MBP: variants seen among roughly 807,000 people sequenced by gnomAD.
MBP encodes the protein Golli-MBP.
A neutral mutation model predicts 35.8 loss-of-function variants in MBP; 16 were observed. The observed-to-expected ratio is 0.45, with a 90% CI of 0.30 to 0.68. MBP has a LOEUF of 0.68. Ranked by LOEUF, MBP falls within the 30% of genes least tolerant of loss-of-function variation. The pLI, the probability that MBP is intolerant of heterozygous loss-of-function variation, is 0.08. For missense variants in MBP, 380 were observed against 404.7 expected (o/e 0.94, Z 0.52); for synonymous variants, 143 against 159.6 (o/e 0.90, Z 0.78).
At position 76,999,272 on chromosome 18, in the gene MBP, G is replaced by A. The variant is rs138361112; in HGVS notation, c.577-9212C>T. Among the ~76,000 whole-genome samples, 5 of 152,234 alleles carry A rather than the reference G, an allele frequency of 3.3e-5. No homozygotes were observed. The East Asian group carries it at 9.7e-4, about 30-fold the overall frequency. ...GCTGAAGCGGGTGGCGCACCCTCAA[G>A]CCTTCCCGGAGGAGACCGCTGAGGG... is the stretch of plus-strand genomic sequence containing the variant. On this transcript the variant is annotated intron_variant, in intron 4 of 8. Transcript: ENST00000355994.
At chr18:77,029,094 T>A (rs201264249) in intron 3 of MBP, among the ~76,000 whole-genome samples, 8,064 of 77,566 alleles carry the variant, frequency 0.1, 1,039 homozygotes, top group African/African-American at 0.14. Context: ...AGCCGAGATC[T>A]CGCCACTGCA....
At position 76,996,485 on chromosome 18, in the gene MBP, G is replaced by C. The variant is rs188178707; in HGVS notation, c.577-6425C>G. On this transcript the variant is annotated intron_variant, in intron 4 of 8. Transcript: ENST00000355994. ...CTTCAAACAACCTGAATGCTCTTGAGGGGCTGAAGGGATAAACACACTGTG... is the reference window on the plus strand; with the variant it reads ...CTTCAAACAACCTGAATGCTCTTGACGGGCTGAAGGGATAAACACACTGTG... 3.7e-3 allele frequency among the ~76,000 whole-genome samples: 558 copies of C among 152,316 alleles called. 1 individual carries two copies. Among genetic ancestry groups the C allele is most frequent in the Middle Eastern group, 0.01 (3 of 294 alleles).
intron 2 of MBP, among the ~76,000 whole-genome samples, chr18:77,076,232 T>A (rs992999490): frequency 3.3e-5 from 5 of 152,232 alleles, no homozygotes; most frequent in Non-Finnish European, 7.3e-5. Context: ...CTGGTGGTCC[T>A]GCTAACACAG....
chr18:77,104,026 G>A (rs1976155329), intron 2 of MBP, among the ~76,000 whole-genome samples: 2 of 152,262 alleles, frequency 1.3e-5, no homozygotes, highest in Admixed American at 6.5e-5. Flanking sequence ...TTTTCCAAAT[G>A]TTCCCTGACA....
chr18:77,110,711 G>C (rs1168326768), intron 1 of MBP, among the ~76,000 whole-genome samples: 1 of 152,114 alleles, frequency 6.6e-6, no homozygotes, highest in Non-Finnish European at 1.5e-5. Flanking sequence ...TTTGTTCTAA[G>C]ACCACTTCCC....
At chr18:77,091,642 C>T (rs1054755235) in intron 2 of MBP, among the ~76,000 whole-genome samples, 1 of 151,464 alleles carries the variant, frequency 6.6e-6, no homozygotes, top group Non-Finnish European at 1.5e-5. Context: ...CAGGTATACA[C>T]ACCACAAACA....
intron 3 of MBP, among the ~76,000 whole-genome samples, chr18:77,054,336 A>AC (rs1973636469): frequency 6.6e-6 from 1 of 152,170 alleles, no homozygotes; most frequent in Non-Finnish European, 1.5e-5. Context: ...CGAAGAGCTC[A>AC]CCCCCGGATA....
chr18:77,033,037 A>G (rs470664), intron 3 of MBP, among the ~76,000 whole-genome samples: 19,679 of 152,110 alleles, frequency 0.13, 2,858 homozygotes, highest in African/African-American at 0.35. Flanking sequence ...GCATGATCTC[A>G]GCTCACTGTA....
At chr18:77,083,241 A>G (rs977193184) in intron 2 of MBP, among the ~76,000 whole-genome samples, 1 of 152,208 alleles carries the variant, frequency 6.6e-6, no homozygotes. Flanking sequence ...TGCTGGGCTT[A>G]CAGACGTGAG....
intron 4 of MBP, among the ~76,000 whole-genome samples, chr18:77,000,895 A>G (rs1457481046): frequency 6.6e-6 from 1 of 152,210 alleles, no homozygotes. Context: ...ATTTTATTAA[A>G]GGAGATACGT....
chr18:77,105,407 C>T (rs1323708926), intron 1 of MBP, 121 bp from the exon 2 acceptor site: 6 of 583,420 alleles, frequency 1.0e-5, no homozygotes, highest in Non-Finnish European at 1.6e-5. Context: ...GAAGACGAAA[C>T]CAAGGCCCTG....
At chr18:77,037,410 G>T (rs1438491435) in intron 3 of MBP, among the ~76,000 whole-genome samples, 1 of 152,244 alleles carries the variant, frequency 6.6e-6, no homozygotes, top group East Asian at 1.9e-4. Flanking sequence ...CTCCAGTGAG[G>T]TCGGGAGTAT....
intron 1 of MBP, among the ~76,000 whole-genome samples, chr18:77,120,343 G>A (rs1473402357): frequency 1.3e-5 from 2 of 152,222 alleles, no homozygotes; most frequent in African/African-American, 4.8e-5. Context: ...ACACCTGGGA[G>A]GCTGCAGAGG....
At chr18:77,082,460 G>A (rs940527416) in intron 2 of MBP, among the ~76,000 whole-genome samples, 5 of 152,216 alleles carry the variant, frequency 3.3e-5, no homozygotes, top group South Asian at 2.1e-4. Context: ...GGATGAGGTC[G>A]GGTGGGGTTG....
intron 3 of MBP, among the ~76,000 whole-genome samples, chr18:77,022,667 A>G (rs1244981659): frequency 6.6e-6 from 1 of 152,240 alleles, no homozygotes; most frequent in Non-Finnish European, 1.5e-5. Flanking sequence ...AACAATAGCT[A>G]TATTGTACAT....
At chr18:77,007,331 C>T (rs1971041548) in intron 4 of MBP, among the ~76,000 whole-genome samples, 1 of 152,230 alleles carries the variant, frequency 6.6e-6, no homozygotes, top group Non-Finnish European at 1.5e-5. Flanking sequence ...TTCTTCCACT[C>T]AATATGCAAA....
At chr18:76,985,726 CAAGGG>C in intron 7 of MBP, 1 of 1,008,552 alleles carries the variant, frequency 9.9e-7, no homozygotes. Flanking sequence ...TGGCCTTGGG[CAAGGG>C]CAGGAACCTC....
At chr18:76,992,162 C>A (rs1036403028) in intron 4 of MBP, among the ~76,000 whole-genome samples, 8 of 152,196 alleles carry the variant, frequency 5.3e-5, no homozygotes, top group African/African-American at 1.9e-4. Flanking sequence ...GGTTCCCAAC[C>A]TTTTTGGCAC....
At chr18:77,002,176 G>A (rs989317923) in intron 4 of MBP, among the ~76,000 whole-genome samples, 2 of 152,162 alleles carry the variant, frequency 1.3e-5, no homozygotes, top group African/African-American at 4.8e-5. Flanking sequence ...TCGTAAACCT[G>A]GAATGGTGCG....
Sources: allele counts gnomAD v4.1 joint callset (sites outside exome capture counted in the v4.1 genomes callset), GRCh38; gene constraint gnomAD v4.1.1; transcripts MANE v1.5; gene names NCBI Gene and HGNC (gene_info 2026-07-23, HGNC 2026-07-21).